The following LPAR1 variants were observed in gnomAD, a reference collection of about 807,000 sequenced individuals.
LPAR1 encodes lysophosphatidic acid receptor 1.
LPAR1 carries 5 observed loss-of-function variants against 23.8 expected under a neutral mutation model. The ratio of observed to expected loss-of-function variants is 0.21; its 90% CI spans 0.11 to 0.44. LPAR1 has a LOEUF of 0.44. Among genes scored for constraint, LPAR1 ranks in the 20% least tolerant of loss-of-function variants. The pLI is 0.99. For synonymous variants in LPAR1, 160 were observed against 164.7 expected, an observed-to-expected ratio of 0.97 and a Z score of 0.22; for missense variants, 311 against 482.8, an observed-to-expected ratio of 0.64 and a Z score of 3.33.
chr9:110,955,728 A>AC (rs61105273), intron 4 of LPAR1, among the ~76,000 whole-genome samples: 2 of 151,296 alleles, frequency 1.3e-5, no homozygotes, highest in Admixed American at 6.6e-5. Flanking sequence ...AAAAAAAAAA[A>AC]CACAAATCAA....
chr9:110,888,426 C>T (rs905606194), intron 5 of LPAR1, among the ~76,000 whole-genome samples: 1 of 151,930 alleles, frequency 6.6e-6, no homozygotes, highest in African/African-American at 2.4e-5. Flanking sequence ...TTTTTTTCCC[C>T]CAATTTACAT....
intron 3 of LPAR1, among the ~76,000 whole-genome samples, chr9:110,973,087 A>G (rs921142380): frequency 6.6e-6 from 1 of 152,274 alleles, no homozygotes; most frequent in African/African-American, 2.4e-5. Context: ...TCACATGGAC[A>G]GTATGAGATT....
intron 5 of LPAR1, among the ~76,000 whole-genome samples, chr9:110,910,227 G>A (rs2092226702): frequency 6.6e-6 from 1 of 152,064 alleles, no homozygotes; most frequent in Non-Finnish European, 1.5e-5. Flanking sequence ...TCTTTAAGCA[G>A]AAGCCAGTGC....
chr9:110,976,116 A>C (rs947335750), intron 2 of LPAR1, among the ~76,000 whole-genome samples: 3 of 152,160 alleles, frequency 2.0e-5, no homozygotes, highest in African/African-American at 7.2e-5. Context: ...TAGCTGAGTA[A>C]GCTGGCTCAC....
intron 2 of LPAR1, among the ~76,000 whole-genome samples, chr9:111,030,206 G>C (rs989188634): frequency 1.4e-4 from 21 of 152,144 alleles, no homozygotes; most frequent in African/African-American, 4.8e-4. Flanking sequence ...TCTTGCCCTA[G>C]CCTTTGAACC....
chr9:110,914,759 T>C (rs2092888071), intron 5 of LPAR1, among the ~76,000 whole-genome samples: 1 of 151,530 alleles, frequency 6.6e-6, no homozygotes, highest in Non-Finnish European at 1.5e-5. Context: ...TCTTTTCACT[T>C]CCTTTCTTCA....
At chr9:110,964,672 A>AG (rs1491325672) in intron 4 of LPAR1, among the ~76,000 whole-genome samples, 2 of 1,080 alleles carry the variant, frequency 1.9e-3, no homozygotes, top group African/African-American at 3.4e-3. Flanking sequence ...TTTCAGCCTC[A>AG]AAAAAAAAAC....
In LPAR1 at chr9:110,912,163, A is replaced by G. The variant is rs556347651; in HGVS notation, c.793+29258T>C. Among the ~76,000 whole-genome samples the G allele has an allele frequency of 4.6e-5, 7 of 152,318 alleles. No homozygotes were observed. In the South Asian group the frequency reaches 1.4e-3, roughly 32 times the overall value. ...ACAGTTTTTAAATACTTAATAATAGAAAATGGAAAGAAAAACAACTTCTTT... is the reference window on the plus strand; with the variant it reads ...ACAGTTTTTAAATACTTAATAATAGGAAATGGAAAGAAAAACAACTTCTTT... On this transcript the variant is annotated intron_variant, in intron 5 of 5. Coordinates refer to ENST00000683809, the MANE Select transcript of LPAR1 (RefSeq NM_001351411.2).
intron 2 of LPAR1, among the ~76,000 whole-genome samples, chr9:111,001,317 A>T (rs2097124495): frequency 1.3e-5 from 2 of 152,232 alleles, no homozygotes. Flanking sequence ...GCTAAGGACC[A>T]AAATAGCCAA....
At chr9:110,909,901 C>T (rs1206188542) in intron 5 of LPAR1, among the ~76,000 whole-genome samples, 1 of 151,842 alleles carries the variant, frequency 6.6e-6, no homozygotes, top group African/African-American at 2.4e-5. Flanking sequence ...GTGCCTGCCA[C>T]CATGCTCGGC....
chr9:111,033,115 T>C (rs2097831437), intron 2 of LPAR1, among the ~76,000 whole-genome samples: 1 of 152,192 alleles, frequency 6.6e-6, no homozygotes, highest in Non-Finnish European at 1.5e-5. Flanking sequence ...TCCATGAATG[T>C]AGTAAAATAG....
intron 4 of LPAR1, among the ~76,000 whole-genome samples, chr9:110,952,479 CA>C (rs2095600004): frequency 6.6e-6 from 1 of 152,118 alleles, no homozygotes; most frequent in Admixed American, 6.5e-5. Flanking sequence ...CCAAGGGGCC[CA>C]AGACCCTCCT....
At chr9:110,981,355 C>G (rs1014792765) in intron 2 of LPAR1, among the ~76,000 whole-genome samples, 1 of 151,982 alleles carries the variant, frequency 6.6e-6, no homozygotes, top group Non-Finnish European at 1.5e-5. Context: ...GTCATGTCTC[C>G]TTGCCTCAGA....
chr9:110,934,819 CAA>C (rs1375076180), intron 5 of LPAR1, among the ~76,000 whole-genome samples: 1 of 139,648 alleles, frequency 7.2e-6, no homozygotes, highest in Non-Finnish European at 1.6e-5. Flanking sequence ...AACACACACA[CAA>C]ACACACACAC....
chr9:110,986,163 G>A (rs767142202), intron 2 of LPAR1, among the ~76,000 whole-genome samples: 1 of 151,934 alleles, frequency 6.6e-6, no homozygotes, highest in East Asian at 1.9e-4. Flanking sequence ...ATTTGCATAG[G>A]GACCTAGAGC....
chr9:110,979,720 T>C (rs148064513), intron 2 of LPAR1, among the ~76,000 whole-genome samples: 9 of 152,260 alleles, frequency 5.9e-5, no homozygotes, highest in Non-Finnish European at 4.4e-5. Context: ...AGGAAGGCAG[T>C]TGACAACCTA....
At chr9:110,945,343 A>G (rs2095332960) in intron 4 of LPAR1, 1 of 152,174 alleles carries the variant, frequency 6.6e-6, no homozygotes. Flanking sequence ...CATAATGGGG[A>G]AAAATGTAAT....
At chr9:111,030,091 G>A (rs569992895) in intron 2 of LPAR1, among the ~76,000 whole-genome samples, 4 of 150,116 alleles carry the variant, frequency 2.7e-5, no homozygotes, top group East Asian at 3.9e-4. Flanking sequence ...TCAGCCAAAC[G>A]TAAGGACACA....
intron 2 of LPAR1, among the ~76,000 whole-genome samples, chr9:110,974,524 A>C (rs1473549827): frequency 6.6e-6 from 1 of 152,198 alleles, no homozygotes; most frequent in Non-Finnish European, 1.5e-5. Flanking sequence ...ATTTTTGTGC[A>C]GCATCCTTGA....
Sources: gnomAD v4.1 joint callset for allele counts (sites outside exome capture counted in the v4.1 genomes callset) on GRCh38, gnomAD v4.1.1 for gene constraint, MANE v1.5 for transcripts, NCBI Gene and HGNC (gene_info 2026-07-23, HGNC 2026-07-21) for gene names.